PMFBP1: variants seen among roughly 807,000 people sequenced by gnomAD.
PMFBP1 encodes the protein polyamine-modulated factor 1-binding protein 1.
Under a neutral mutation model 137.8 loss-of-function variants are expected in PMFBP1, and 131 were observed. The ratio of observed to expected loss-of-function variants is 0.95; its 90% confidence interval spans 0.82 to 1.10. The LOEUF is 1.10. Ranked by LOEUF, PMFBP1 falls within the 50% of genes least tolerant of loss-of-function variation. The probability of loss-of-function intolerance (pLI) is 0.00; values close to 1 mark genes in which losing one functional copy is unlikely to be tolerated. For synonymous variants in PMFBP1, 490 were observed against 450.4 expected (o/e 1.09, Z -1.11); for missense variants, 1,199 against 1,175.4 (o/e 1.02, Z -0.29).
chr16:72,246,621 A>G, the PMFBP1 span, among the ~76,000 whole-genome samples: 9 of 151,888 alleles, frequency 5.9e-5, no homozygotes, highest in African/African-American at 2.2e-4. Context: ...ATCTGGCCAC[A>G]AGGTTACTTT....
rs1280705575 is a variant in PMFBP1 at position 72,150,719 on chromosome 16, C to CA, written c.524_525insT (p.Glu175AspfsTer10). 2 of 1,614,090 alleles carry CA rather than the reference C, an allele frequency of 1.2e-6. No homozygotes were observed. The highest frequency in any genetic ancestry group is 2.2e-5 in the South Asian group (2 of 91,084). ...TATCCCTGTAGAGGTTTAAGCTCCT[C>CA]TCTAGAGAGGCGATCTTGTCCCCGG... On this transcript the variant is annotated frameshift_variant, in exon 5 of 21. Coordinates refer to ENST00000237353, the MANE Select transcript of PMFBP1 (RefSeq NM_031293.3). LOFTEE classifies it high-confidence loss of function.
the PMFBP1 span, among the ~76,000 whole-genome samples, chr16:72,214,978 T>G: frequency 6.6e-6 from 1 of 152,106 alleles, no homozygotes; most frequent in East Asian, 1.9e-4. Flanking sequence ...AAATCAGTCC[T>G]TGAGATATAC....
Position 72,124,800 on chromosome 16 carries a change from G to C in PMFBP1, c.2556C>G (p.Ala852=), listed in dbSNP as rs930356509. 4 of 1,614,122 alleles carry C rather than the reference G, an allele frequency of 2.5e-6. No individual in the cohort carries two copies. The Admixed American group carries it at 6.7e-5, about 27-fold the overall frequency. The change falls in exon 17 of 21, where the codon GCC becomes GCG. Residue 852 remains alanine (A), a synonymous_variant. Coordinates refer to ENST00000237353, the MANE Select transcript of PMFBP1 (RefSeq NM_031293.3). ...QLREFQEEMA[A]LKENLLEDDK... ...CGTCCTCAAGGAGGTTCTCTTTTAA[G>C]GCGGCCATCTCCTCCTGGAACTCCC...
chr16:72,137,120 A>G (rs1425394868), intron 7 of PMFBP1, among the ~76,000 whole-genome samples: 1 of 152,204 alleles, frequency 6.6e-6, no homozygotes, highest in Non-Finnish European at 1.5e-5. Flanking sequence ...TTTAAAAAAG[A>G]GAATAAAACA....
intron 7 of PMFBP1, 22 bp downstream of exon 7, chr16:72,139,261 TAGGCAC>T (rs2042679125): frequency 1.3e-6 from 2 of 1,533,940 alleles, no homozygotes; most frequent in Non-Finnish European, 9.0e-7. Context: ...CCGATCCCAG[TAGGCAC>T]AGATCAGCAA....
chr16:72,138,239 G>T (rs2042663016), intron 7 of PMFBP1, among the ~76,000 whole-genome samples: 1 of 152,178 alleles, frequency 6.6e-6, no homozygotes, highest in African/African-American at 2.4e-5. Flanking sequence ...CCAACTTTCT[G>T]GGATTGGAAA....
At chr16:72,244,966 G>A in the PMFBP1 span, among the ~76,000 whole-genome samples, 9 of 152,258 alleles carry the variant, frequency 5.9e-5, no homozygotes, top group Middle Eastern at 3.4e-3. Flanking sequence ...TTTTGGGCAC[G>A]CAAGAGAGCA....
chr16:72,206,763 G>T, the PMFBP1 span, among the ~76,000 whole-genome samples: 3 of 152,132 alleles, frequency 2.0e-5, no homozygotes, highest in Non-Finnish European at 4.4e-5. Flanking sequence ...AACGATTACC[G>T]TAGCTAAAAG....
In PMFBP1 at chr16:72,129,191, G is replaced by C. The variant is rs200795516; in HGVS notation, c.1825C>G (p.Leu609Val). 1.2e-6 allele frequency: 2 copies of C among 1,613,884 alleles called. No homozygotes were observed. The highest frequency in any genetic ancestry group is 3.3e-5 in the Admixed American group (2 of 60,026). Residue 609 changes from leucine to valine, a missense_variant, in exon 13 of 21, where the codon CTT (leucine) becomes GTT (valine). Physicochemically the swap from Leu to Val is conservative, Grantham distance 32 (BLOSUM62 1). Transcript: ENST00000237353. ...GSIKCKLEED[L>V]QEATKLLEDK... is the part of the protein sequence containing the mutation. ...TCCAGAAGCTTTGTGGCCTCCTGAA[G>C]ATCTTCTTCTAACTTGCATTTGATG...
At chr16:72,179,310 A>T (rs1289914308), upstream of PMFBP1, among the ~76,000 whole-genome samples, 1 of 152,236 alleles carries the variant, frequency 6.6e-6, no homozygotes, top group Non-Finnish European at 1.5e-5. Flanking sequence ...AACACAAGAC[A>T]CTGATTTATA....
At chr16:72,178,873 T>C (rs2043267164), upstream of PMFBP1, among the ~76,000 whole-genome samples, 1 of 152,084 alleles carries the variant, frequency 6.6e-6, no homozygotes, top group Non-Finnish European at 1.5e-5. Context: ...CAATAATACC[T>C]ACCTTACAGG....
At chr16:72,246,104 G>A in the PMFBP1 span, among the ~76,000 whole-genome samples, 1 of 152,310 alleles carries the variant, frequency 6.6e-6, no homozygotes, top group Admixed American at 6.5e-5. Flanking sequence ...GGAGATTACA[G>A]TTTGCCAGAT....
chr16:72,119,874 T>C lies in PMFBP1; in HGVS notation c.2984A>G (p.Tyr995Cys). Residue 995 changes from tyrosine to cysteine, a missense_variant, in exon 20 of 21, where the codon TAC (tyrosine) becomes TGC (cysteine). Coordinates refer to ENST00000237353, the MANE Select transcript of PMFBP1 (RefSeq NM_031293.3). Reference protein sequence around the residue: ...DMGQRMDLTKYIGMPHCPGSS... With the variant: ...DMGQRMDLTKCIGMPHCPGSS... ...ACCCGGGCAGTGGGGCATCCCGATG[T>C]ACTTGGTGAGGTCCATTCTTTGACC... The C allele has an allele frequency of 1.2e-6, 2 of 1,614,206 alleles. No individual in the cohort carries two copies. Among genetic ancestry groups the C allele is most frequent in the Non-Finnish European group, 1.7e-6 (2 of 1,180,034 alleles).
the PMFBP1 span, among the ~76,000 whole-genome samples, chr16:72,222,134 G>C: frequency 1.3e-5 from 2 of 152,120 alleles, no homozygotes; most frequent in Non-Finnish European, 2.9e-5. Context: ...GGGGTTTTTT[G>C]GTTTGGTTGG....
Position 72,119,260 on chromosome 16 carries a change from A to G in PMFBP1, c.*78T>C, listed in dbSNP as rs2042340384. ...CTCCTGTAAGAGCTGATCCAGGTCA[A>G]GAGAGAGGGAGGGCTGGGAACTCAC... is the stretch of plus-strand genomic sequence containing the variant. On this transcript the variant is annotated 3_prime_UTR_variant, in exon 21 of 21. Coordinates refer to ENST00000237353, the MANE Select transcript of PMFBP1 (RefSeq NM_031293.3). 8.0e-6 allele frequency: 12 copies of G among 1,493,502 alleles called. No homozygotes were observed. The highest frequency in any genetic ancestry group is 1.4e-5 in the African/African-American group (1 of 72,224). The allele number at this position is 1,493,502 out of a possible 1,614,324, so 92.5% of individuals were successfully genotyped here. A position where few individuals can be genotyped will look rare whatever the true frequency, so the allele number is the denominator to read the frequency against.
the PMFBP1 span, among the ~76,000 whole-genome samples, chr16:72,194,461 G>T: frequency 7.2e-5 from 11 of 152,166 alleles, no homozygotes; most frequent in African/African-American, 2.7e-4. Context: ...AAGGCATCCT[G>T]GGCCTTTGTG....
chr16:72,249,002 C>A, the PMFBP1 span, among the ~76,000 whole-genome samples: 1 of 151,958 alleles, frequency 6.6e-6, no homozygotes, highest in African/African-American at 2.4e-5. Flanking sequence ...GCTAACAGAG[C>A]TGTATATAAT....
At chr16:72,234,378 A>G in the PMFBP1 span, among the ~76,000 whole-genome samples, 1 of 152,206 alleles carries the variant, frequency 6.6e-6, no homozygotes, top group Non-Finnish European at 1.5e-5. Context: ...CCAAATTCGT[A>G]CAAACACAGA....
At chr16:72,171,320 C>T (rs2043217895) in intron 1 of PMFBP1, 52 bp from the exon 2 acceptor site, 37 of 1,278,528 alleles carry the variant, frequency 2.9e-5, no homozygotes, top group Non-Finnish European at 4.0e-5. Context: ...AGCCTCTGCC[C>T]TTTAAAGATT....
Sources: gnomAD v4.1 joint callset for allele counts (sites outside exome capture counted in the v4.1 genomes callset) on GRCh38, gnomAD v4.1.1 for gene constraint, MANE v1.5 for transcripts, NCBI Gene and HGNC (gene_info 2026-07-23, HGNC 2026-07-21) for gene names.